The following MAD1L1 variants were observed in gnomAD, a reference collection of about 807,000 sequenced individuals.
MAD1L1 encodes the protein mitotic spindle assembly checkpoint protein MAD1.
In MAD1L1, 95 loss-of-function variants were observed where a neutral mutation model predicts 96.9. That is an observed-to-expected ratio of 0.98 (90% CI 0.83 to 1.16). MAD1L1 has a LOEUF of 1.16. MAD1L1 is among the 50% of genes most tolerant of loss of function. The pLI is 0.00. For missense variants in MAD1L1, 1,007 were observed against 954.4 expected (o/e 1.06, Z -0.73); for synonymous variants, 473 against 396.6 (o/e 1.19, Z -2.29).
chr7:2,095,029 A>G (rs1431848356), intron 11 of MAD1L1, among the ~76,000 whole-genome samples: 1 of 151,376 alleles, frequency 6.6e-6, no homozygotes, highest in Admixed American at 6.6e-5. Context: ...AATAGTAAAT[A>G]TATATATATA....
intron 15 of MAD1L1, among the ~76,000 whole-genome samples, chr7:1,978,925 G>A (rs1780768983): frequency 6.6e-6 from 1 of 152,228 alleles, no homozygotes; most frequent in Admixed American, 6.5e-5. Context: ...GACTCCGGCA[G>A]ATCCCAGAGA....
intron 14 of MAD1L1, among the ~76,000 whole-genome samples, chr7:1,988,701 G>C (rs1781271461): frequency 6.6e-6 from 1 of 152,220 alleles, no homozygotes; most frequent in African/African-American, 2.4e-5. Flanking sequence ...GACTTCTTGG[G>C]AAGGGCCGTG....
rs190913829 is a variant in MAD1L1 at position 1,838,701 on chromosome 7, T to C, written c.1999-22473A>G. ...GAGGATGGCTATGGGGCACGTTTCC[T>C]TCCAGGGTGATAAAGGCATTCATTC... On this transcript the variant is annotated intron_variant, in intron 18 of 18. Transcript: ENST00000265854. 1,064 of 456,180 alleles carry C rather than the reference T, an allele frequency of 2.3e-3. 11 individuals are homozygous for C. Among genetic ancestry groups the C allele is most frequent in the African/African-American group, 0.019 (962 of 49,926 alleles). 28.3% of individuals were successfully genotyped at this position (456,180 alleles called of 1,614,324 possible). A position where few individuals can be genotyped will look rare whatever the true frequency, so the allele number is the denominator to read the frequency against.
intron 15 of MAD1L1, among the ~76,000 whole-genome samples, chr7:1,978,664 G>A (rs1024495061): frequency 3.3e-5 from 5 of 151,422 alleles, no homozygotes; most frequent in South Asian, 4.2e-4. Context: ...AAGACCACAC[G>A]CAGACGCACT....
intron 18 of MAD1L1, among the ~76,000 whole-genome samples, chr7:1,883,684 G>A (rs1241996916): frequency 6.6e-6 from 1 of 152,204 alleles, no homozygotes; most frequent in East Asian, 1.9e-4. Context: ...GGGTCGCGGG[G>A]TCCAAAGCCT....
intron 16 of MAD1L1, among the ~76,000 whole-genome samples, chr7:1,949,992 C>G (rs1409232008): frequency 1.3e-5 from 2 of 152,250 alleles, no homozygotes. Flanking sequence ...CAAGTGGCAG[C>G]AGCAGGGACA....
chr7:2,111,416 C>G (rs1787374357), intron 11 of MAD1L1, among the ~76,000 whole-genome samples: 2 of 152,156 alleles, frequency 1.3e-5, no homozygotes, highest in African/African-American at 4.8e-5. Context: ...AAGGAGCGTG[C>G]CTCGGAATGA....
chr7:1,952,091 A>T (rs2128471680), intron 16 of MAD1L1, among the ~76,000 whole-genome samples: 1 of 152,302 alleles, frequency 6.6e-6, no homozygotes, highest in South Asian at 2.1e-4. Flanking sequence ...GGAATTACCT[A>T]AGTGATCACA....
chr7:1,900,622 C>T (rs1787185802), intron 17 of MAD1L1, among the ~76,000 whole-genome samples: 1 of 152,176 alleles, frequency 6.6e-6, no homozygotes, highest in South Asian at 2.1e-4. Flanking sequence ...GAAGATGGGG[C>T]TATCGGTAGC....
At chr7:1,934,056 A>G (rs962766226) in intron 17 of MAD1L1, among the ~76,000 whole-genome samples, 4 of 152,234 alleles carry the variant, frequency 2.6e-5, no homozygotes, top group Non-Finnish European at 5.9e-5. Flanking sequence ...TAGGCCTTAC[A>G]TAAAACAGAG....
At position 2,045,890 on chromosome 7, in the gene MAD1L1, G is replaced by A. The variant is rs558607390; in HGVS notation, c.1218+23304C>T. On this transcript the variant is annotated intron_variant, in intron 12 of 18. Coordinates refer to ENST00000265854, the MANE Select transcript of MAD1L1 (RefSeq NM_001013836.2). ...CCTTAAATCCAAACGTTCTGCCGAG[G>A]GCCCCCCATGGAGCTGAGCCATCAT... Among the ~76,000 whole-genome samples the A allele has an allele frequency of 8.2e-4, 125 of 152,128 alleles. 1 individual carries two copies. The highest frequency in any genetic ancestry group is 1.3e-3 in the Non-Finnish European group (89 of 68,018).
At chr7:1,824,942 T>A (rs1345608899) in intron 18 of MAD1L1, among the ~76,000 whole-genome samples, 1 of 150,216 alleles carries the variant, frequency 6.7e-6, no homozygotes, top group Non-Finnish European at 1.5e-5. Context: ...ACCCTTCAAG[T>A]TCACACTGCA....
At chr7:1,818,631 C>T in intron 18 of MAD1L1, among the ~76,000 whole-genome samples, 1 of 151,812 alleles carries the variant, frequency 6.6e-6, no homozygotes, top group South Asian at 2.1e-4. Context: ...GTCTCAAACT[C>T]CTGGCCTGAC....
chr7:2,153,084 T>A (rs1182902657), intron 10 of MAD1L1, among the ~76,000 whole-genome samples: 2 of 151,992 alleles, frequency 1.3e-5, no homozygotes, highest in Non-Finnish European at 2.9e-5. Context: ...ATATAAAAAA[T>A]ACTAAAGAAA....
chr7:1,947,230 C>G (rs952415667), intron 16 of MAD1L1, among the ~76,000 whole-genome samples: 8 of 152,180 alleles, frequency 5.3e-5, no homozygotes, highest in African/African-American at 1.9e-4. Flanking sequence ...TCTGAGGGGC[C>G]CTATCCTCAA....
intron 10 of MAD1L1, among the ~76,000 whole-genome samples, chr7:2,152,274 T>C (rs905669721): frequency 1.3e-5 from 2 of 152,178 alleles, no homozygotes; most frequent in African/African-American, 4.8e-5. Flanking sequence ...GCCCCCATCA[T>C]AGGGAGGACT....
At chr7:1,860,980 C>G (rs1416805719) in intron 18 of MAD1L1, among the ~76,000 whole-genome samples, 1 of 152,184 alleles carries the variant, frequency 6.6e-6, no homozygotes, top group African/African-American at 2.4e-5. Context: ...GTGGTTGTAC[C>G]AGCAGCTGCC....
At position 2,008,738 on chromosome 7, in the gene MAD1L1, A is replaced by T. The variant is rs1782149144; in HGVS notation, c.1359+5764T>A. ...GTGGGAAGGAACACGGCTCCATCCC[A>T]AACAGCCTCAGACGCAGACACGCAG... On this transcript the variant is annotated intron_variant, in intron 13 of 18. Transcript: ENST00000265854. Among the ~76,000 whole-genome samples the T allele has an allele frequency of 2.0e-5, 3 of 151,458 alleles. No individual in the cohort carries two copies. The South Asian group carries it at 6.3e-4, about 32-fold the overall frequency.
At chr7:2,164,263 C>T (rs553412831) in intron 10 of MAD1L1, among the ~76,000 whole-genome samples, 1 of 152,300 alleles carries the variant, frequency 6.6e-6, no homozygotes, top group Non-Finnish European at 1.5e-5. Flanking sequence ...AGAGTGCCGA[C>T]TGATGCAAAG....
Sources: allele counts gnomAD v4.1 joint callset (sites outside exome capture counted in the v4.1 genomes callset), GRCh38; gene constraint gnomAD v4.1.1; transcripts MANE v1.5; gene names NCBI Gene and HGNC (gene_info 2026-07-23, HGNC 2026-07-21).